The following KIRREL3 variants were observed in gnomAD, a reference collection of about 807,000 sequenced individuals.
KIRREL3 encodes the protein kirre like nephrin family adhesion molecule 3, also known as kin of IRRE-like protein 3.
Under a neutral mutation model 89.7 loss-of-function variants are expected in KIRREL3, and 36 were observed. The observed-to-expected ratio is 0.40, with a 90% CI of 0.31 to 0.53. KIRREL3 has a LOEUF of 0.53. KIRREL3 is among the 20% of genes least tolerant of loss of function. KIRREL3 has a pLI of 0.49. For synonymous variants in KIRREL3, 445 were observed against 441.4 expected (o/e 1.01, Z -0.10); for missense variants, 864 against 1,056.6 (o/e 0.82, Z 2.53).
In KIRREL3 at chr11:126,997,713, C is replaced by G. The variant is rs1214542844; in HGVS notation, c.55+2742G>C. On this transcript the variant is annotated intron_variant, in intron 1 of 16. Transcript: ENST00000525144. This position sits in a 1 kb window ranked among gnomAD's most constrained non-coding sequence, Gnocchi z 4.3. ...AGAGTTTATTTGTATCTTGAGAGCA[C>G]TGCTTGGAGCACTCTCTCTGCACGG... Among the ~76,000 whole-genome samples the G allele has an allele frequency of 6.6e-6, 1 of 152,182 alleles. No individual in the cohort carries two copies. The highest frequency in any genetic ancestry group is 2.4e-5 in the African/African-American group (1 of 41,436).
At position 126,782,903 on chromosome 11, in the gene KIRREL3, C is replaced by T. The variant is rs192544576; in HGVS notation, c.55+217552G>A. On this transcript the variant is annotated intron_variant, in intron 1 of 16. Coordinates refer to ENST00000525144, the MANE Select transcript of KIRREL3 (RefSeq NM_032531.4). The surrounding 1 kb of genome is among the most constrained non-coding windows in gnomAD (Gnocchi z 4.1). ...CACCTAACAATCCAGAGTTTGGTTT[C>T]TGATACCACTCTGTAATAAAAGGAA... Among the ~76,000 whole-genome samples the T allele has an allele frequency of 1.3e-5, 2 of 152,292 alleles. No homozygotes were observed. The highest frequency in any genetic ancestry group is 4.8e-5 in the African/African-American group (2 of 41,552).
At chr11:126,582,467 C>T in intron 1 of KIRREL3, among the ~76,000 whole-genome samples, 1 of 152,208 alleles carries the variant, frequency 6.6e-6, no homozygotes, top group Non-Finnish European at 1.5e-5. Flanking sequence ...AGTGGAAATC[C>T]TCTGCTATAG....
chr11:126,932,048 T>A (rs1436627146), intron 1 of KIRREL3, among the ~76,000 whole-genome samples: 1 of 152,212 alleles, frequency 6.6e-6, no homozygotes, highest in Non-Finnish European at 1.5e-5. Context: ...GACAAGACAA[T>A]GATTTGAGTC....
intron 1 of KIRREL3, among the ~76,000 whole-genome samples, chr11:126,678,137 G>A (rs1429443353): frequency 6.6e-6 from 1 of 152,206 alleles, no homozygotes; most frequent in African/African-American, 2.4e-5. Flanking sequence ...CACTAGTGAA[G>A]CTGAAAACTT....
At chr11:126,630,815 G>C (rs1943988195) in intron 1 of KIRREL3, among the ~76,000 whole-genome samples, 1 of 152,182 alleles carries the variant, frequency 6.6e-6, no homozygotes, top group South Asian at 2.1e-4. Flanking sequence ...CTGAACTCCA[G>C]TTAGAACTGC....
rs1008380790 is a variant in KIRREL3, at chr11:126,501,918, G to A, written c.433+19397C>T. Among the ~76,000 whole-genome samples, 3 of 152,168 alleles carry A rather than the reference G, an allele frequency of 2.0e-5. No individual in the cohort carries two copies. The highest frequency in any genetic ancestry group is 7.2e-5 in the African/African-American group (3 of 41,442). On this transcript the variant is annotated intron_variant, in intron 4 of 16. Transcript: ENST00000525144. The surrounding 1 kb of genome is among the most constrained non-coding windows in gnomAD (Gnocchi z 5.8). ...CCCAGGTGCCAAGGTAAGCACGGAC[G>A]AGTGGGGACTGGTGGGCCACATCCC...
At chr11:126,439,058 T>G (rs1167994427) in intron 11 of KIRREL3, among the ~76,000 whole-genome samples, 1 of 152,248 alleles carries the variant, frequency 6.6e-6, no homozygotes, top group African/African-American at 2.4e-5. Context: ...TTTTCATGCC[T>G]GAGATCCCTC....
intron 1 of KIRREL3, among the ~76,000 whole-genome samples, chr11:126,956,641 T>A (rs1357794057): frequency 3.3e-5 from 5 of 152,214 alleles, no homozygotes; most frequent in Non-Finnish European, 7.3e-5. Context: ...TCGCATTTTC[T>A]TTCCCCTGGA....
intron 1 of KIRREL3, among the ~76,000 whole-genome samples, chr11:126,650,240 A>T (rs1230898027): frequency 2.0e-5 from 3 of 152,256 alleles, no homozygotes; most frequent in Non-Finnish European, 4.4e-5. Context: ...GACATGCCCT[A>T]GAGAATTTTC....
In KIRREL3 at chr11:126,773,911, T is replaced by C. The variant is rs1449180446; in HGVS notation, c.56-210999A>G. ...ACACACCCCAGGGAGGTGAGGAGGTTGTGCACTTGTCCACTCTTAACTCTT... is the reference window on the plus strand; with the variant it reads ...ACACACCCCAGGGAGGTGAGGAGGTCGTGCACTTGTCCACTCTTAACTCTT... On this transcript the variant is annotated intron_variant, in intron 1 of 16. Coordinates refer to ENST00000525144, the MANE Select transcript of KIRREL3 (RefSeq NM_032531.4). The surrounding 1 kb of genome is among the most constrained non-coding windows in gnomAD (Gnocchi z 4.2). 6.6e-6 allele frequency among the ~76,000 whole-genome samples: 1 copy of C among 152,170 alleles called. No homozygotes were observed. Among genetic ancestry groups the C allele is most frequent in the African/African-American group, 2.4e-5 (1 of 41,454 alleles).
rs1957743017 is a variant in KIRREL3, at chr11:126,498,410, T to A, written c.433+22905A>T. On this transcript the variant is annotated intron_variant, in intron 4 of 16. Coordinates refer to ENST00000525144, the MANE Select transcript of KIRREL3 (RefSeq NM_032531.4). The surrounding 1 kb of genome is among the most constrained non-coding windows in gnomAD (Gnocchi z 4.3). Reference sequence around the variant, plus strand: ...TCTTCCCCCCGACCCTGCGATTGTGTTCCTAATCAGCCAGTGTATCAGGAA... The same window carrying A: ...TCTTCCCCCCGACCCTGCGATTGTGATCCTAATCAGCCAGTGTATCAGGAA... Among the ~76,000 whole-genome samples the A allele has an allele frequency of 6.6e-6, 1 of 152,212 alleles. No homozygotes were observed. The highest frequency in any genetic ancestry group is 1.5e-5 in the Non-Finnish European group (1 of 68,028).
rs554275437 is a variant in KIRREL3, at chr11:126,428,712, TCTC to T, written c.1806+464_1806+466del. On this transcript the variant is annotated intron_variant, in intron 15 of 16. Coordinates refer to ENST00000525144, the MANE Select transcript of KIRREL3 (RefSeq NM_032531.4). This position sits in a 1 kb window ranked among gnomAD's most constrained non-coding sequence, Gnocchi z 6.4. ...CCCAGGCTGGGGTGCAGTGGCCTGA[TCTC>T]AGCTCACTGCAACCTCCACCTCCTG... Among the ~76,000 whole-genome samples, 13 of 152,262 alleles carry T rather than the reference TCTC, an allele frequency of 8.5e-5. No homozygotes were observed. In the South Asian group the frequency reaches 2.5e-3, roughly 29 times the overall value.
Position 126,749,572 on chromosome 11 carries a change from T to C in KIRREL3, c.56-186660A>G, listed in dbSNP as rs145627149. ...AGCATCTCTAAAGGAAATAGGATCATTTTTCAAGTGACTTCTTTACCAAAG... is the reference window on the plus strand; with the variant it reads ...AGCATCTCTAAAGGAAATAGGATCACTTTTCAAGTGACTTCTTTACCAAAG... On this transcript the variant is annotated intron_variant, in intron 1 of 16. Transcript: ENST00000525144. Among the ~76,000 whole-genome samples the C allele has an allele frequency of 3.3e-3, 495 of 152,218 alleles. 4 individuals are homozygous for C. The highest frequency in any genetic ancestry group is 0.011 in the African/African-American group (472 of 41,512).
rs186604845 is a variant in KIRREL3, at chr11:126,579,445, T to C, written c.56-16533A>G. 7.6e-4 allele frequency among the ~76,000 whole-genome samples: 115 copies of C among 152,292 alleles called. 2 individuals are homozygous for C. The highest frequency in any genetic ancestry group is 2.5e-3 in the African/African-American group (102 of 41,560). Reference sequence around the variant, plus strand: ...TACTTATTAGATTTCTACTGTGCCTTTTCTCTGCAGAGTGCTCAGTGTCCC... The same window carrying C: ...TACTTATTAGATTTCTACTGTGCCTCTTCTCTGCAGAGTGCTCAGTGTCCC... On this transcript the variant is annotated intron_variant, in intron 1 of 16. Transcript: ENST00000525144. This position sits in a 1 kb window ranked among gnomAD's most constrained non-coding sequence, Gnocchi z 5.3.
chr11:126,935,646 A>G (rs1948153494), intron 1 of KIRREL3: 1 of 152,228 alleles, frequency 6.6e-6, no homozygotes, highest in Non-Finnish European at 1.5e-5. Flanking sequence ...CACATACTAT[A>G]TGATTCCAAC....
chr11:126,475,473 C>A lies in KIRREL3; in HGVS notation c.434-2007G>T, dbSNP rs1386454134. 6.6e-6 allele frequency among the ~76,000 whole-genome samples: 1 copy of A among 152,242 alleles called. No homozygotes were observed. Among genetic ancestry groups the A allele is most frequent in the Non-Finnish European group, 1.5e-5 (1 of 68,040 alleles). On this transcript the variant is annotated intron_variant, in intron 4 of 16. Coordinates refer to ENST00000525144, the MANE Select transcript of KIRREL3 (RefSeq NM_032531.4). This position sits in a 1 kb window ranked among gnomAD's most constrained non-coding sequence, Gnocchi z 7.5. ...CCGGCCTTGGAGGCCTGCTCCCACA[C>A]TAACAGCACAGCAGTGCCATTTCCT...
chr11:126,952,700 T>C (rs1265399011), intron 1 of KIRREL3, among the ~76,000 whole-genome samples: 1 of 152,224 alleles, frequency 6.6e-6, no homozygotes, highest in African/African-American at 2.4e-5. Flanking sequence ...TTTTCATGGT[T>C]TGGGTCTTAC....
Position 126,664,371 on chromosome 11 carries a change from C to T in KIRREL3, c.56-101459G>A, listed in dbSNP as rs546398295. Among the ~76,000 whole-genome samples, 218 of 152,126 alleles carry T rather than the reference C, an allele frequency of 1.4e-3. 1 individual carries two copies. Among genetic ancestry groups the T allele is most frequent in the African/African-American group, 4.6e-3 (192 of 41,500 alleles). On this transcript the variant is annotated intron_variant, in intron 1 of 16. Coordinates refer to ENST00000525144, the MANE Select transcript of KIRREL3 (RefSeq NM_032531.4). The surrounding 1 kb of genome is among the most constrained non-coding windows in gnomAD (Gnocchi z 5.4). ...CAGGGCAAGAGTAAGAGAGCAGGCA[C>T]GCAGAGGCAGAGAGTGAAGTCTAGT...
At position 126,750,065 on chromosome 11, in the gene KIRREL3, T is replaced by C. The variant is rs966467864; in HGVS notation, c.56-187153A>G. Among the ~76,000 whole-genome samples the C allele has an allele frequency of 6.6e-6, 1 of 152,226 alleles. No homozygotes were observed. The highest frequency in any genetic ancestry group is 1.5e-5 in the Non-Finnish European group (1 of 68,038). ...TTCCTCATCTGTAAAATGCAGGCTG[T>C]GCTACTTAAATGGGGGCTTTTTGTG... is the stretch of plus-strand genomic sequence containing the variant. On this transcript the variant is annotated intron_variant, in intron 1 of 16. Transcript: ENST00000525144. This position sits in a 1 kb window ranked among gnomAD's most constrained non-coding sequence, Gnocchi z 4.2.
Sources: allele counts gnomAD v4.1 joint callset (sites outside exome capture counted in the v4.1 genomes callset), GRCh38; gene constraint gnomAD v4.1.1; non-coding constraint Gnocchi (gnomAD v3.1); transcripts MANE v1.5; gene names NCBI Gene and HGNC (gene_info 2026-07-23, HGNC 2026-07-21).